Variants in MCC observed in about 807,000 individuals in gnomAD.
MCC encodes MCC regulator of Wnt signaling pathway.
Under a neutral mutation model 116.2 loss-of-function variants are expected in MCC, and 90 were observed. That is an observed-to-expected ratio of 0.77 (90% CI 0.65 to 0.92). The LOEUF (loss-of-function observed/expected upper bound fraction) is 0.92. Among genes scored for constraint, MCC ranks in the 40% least tolerant of loss-of-function variants. MCC has a pLI of 0.00. For synonymous variants in MCC, 578 were observed against 510.5 expected, an observed-to-expected ratio of 1.13 and a Z score of -1.78; for missense variants, 1,516 against 1,312.2, an observed-to-expected ratio of 1.16 and a Z score of -2.40.
At chr5:113,199,530 G>A (rs1762582549) in intron 3 of MCC, among the ~76,000 whole-genome samples, 1 of 152,170 alleles carries the variant, frequency 6.6e-6, no homozygotes, top group East Asian at 1.9e-4. Flanking sequence ...GCTGCTTCCA[G>A]ATTCTCAAAA....
intron 3 of MCC, among the ~76,000 whole-genome samples, chr5:113,330,293 T>G (rs1767668483): frequency 6.6e-6 from 1 of 152,238 alleles, no homozygotes; most frequent in African/African-American, 2.4e-5. Context: ...TTTGCTCAGT[T>G]AAACTCTGTG....
chr5:113,474,282 T>C (rs1182780933), intron 1 of MCC, among the ~76,000 whole-genome samples: 1 of 152,064 alleles, frequency 6.6e-6, no homozygotes, highest in Non-Finnish European at 1.5e-5. Context: ...TGTAGGAGTA[T>C]GTGCAAGGTA....
chr5:113,461,428 T>C (rs998975739), intron 1 of MCC, among the ~76,000 whole-genome samples: 13 of 152,166 alleles, frequency 8.5e-5, no homozygotes, highest in South Asian at 2.1e-4. Flanking sequence ...ATGGCCAGTA[T>C]GGAGTGGAGA....
At position 113,076,871 on chromosome 5, in the gene MCC, A is replaced by G. The variant is rs546039219; in HGVS notation, c.1785-5637T>C. Among the ~76,000 whole-genome samples the G allele has an allele frequency of 3.9e-5, 6 of 152,342 alleles. No individual in the cohort carries two copies. The East Asian group carries it at 1.2e-3, about 29-fold the overall frequency. On this transcript the variant is annotated intron_variant, in intron 11 of 18. Coordinates refer to ENST00000408903, the MANE Select transcript of MCC (RefSeq NM_001085377.2). ...AAAGACACAGACTGGCAAATTGGAT[A>G]AAGAGTCAAGACCCATGAGTGTGCT...
intron 1 of MCC, among the ~76,000 whole-genome samples, chr5:113,456,577 C>G (rs1404810776): frequency 6.7e-6 from 1 of 150,028 alleles, no homozygotes; most frequent in East Asian, 1.9e-4. Context: ...CTGCCTCAGC[C>G]TCTCCAATAG....
chr5:113,053,449 C>T (rs1319237587), intron 15 of MCC, among the ~76,000 whole-genome samples: 1 of 152,162 alleles, frequency 6.6e-6, no homozygotes, highest in Non-Finnish European at 1.5e-5. Flanking sequence ...CTCCACCCTG[C>T]AGAGGTCTGA....
intron 17 of MCC, among the ~76,000 whole-genome samples, chr5:113,034,782 G>A (rs535241812): frequency 2.6e-5 from 4 of 152,302 alleles, no homozygotes; most frequent in South Asian, 2.1e-4. Flanking sequence ...TGCATCCAGC[G>A]GTCTGGTCCC....
intron 4 of MCC, among the ~76,000 whole-genome samples, chr5:113,143,602 C>A (rs939587114): frequency 2.6e-5 from 4 of 152,328 alleles, no homozygotes; most frequent in African/African-American, 4.8e-5. Context: ...GGGAAACAGT[C>A]CCTTTGCCAT....
At chr5:113,438,487 T>C (rs1397651476) in intron 1 of MCC, among the ~76,000 whole-genome samples, 1 of 151,984 alleles carries the variant, frequency 6.6e-6, no homozygotes, top group Non-Finnish European at 1.5e-5. Flanking sequence ...GAAAAGTATA[T>C]AAGGAAAAAA....
At chr5:113,277,209 C>CAA (rs147857982) in intron 3 of MCC, among the ~76,000 whole-genome samples, 5 of 145,910 alleles carry the variant, frequency 3.4e-5, no homozygotes, top group African/African-American at 1.2e-4. Context: ...AAAACACAAA[C>CAA]AAAAAAAAAA....
At chr5:113,127,068 G>A (rs756181015) in intron 5 of MCC, among the ~76,000 whole-genome samples, 13 of 151,970 alleles carry the variant, frequency 8.6e-5, no homozygotes, top group Non-Finnish European at 1.9e-4. Context: ...TCCCCTCTTT[G>A]TGTCCATTTG....
At chr5:113,084,923 A>G (rs2150244391) in intron 9 of MCC, among the ~76,000 whole-genome samples, 1 of 152,332 alleles carries the variant, frequency 6.6e-6, no homozygotes, top group South Asian at 2.1e-4. Context: ...GTCAGCTGTG[A>G]CATTCTCCAG....
At chr5:113,465,840 A>G (rs1490044466) in intron 1 of MCC, among the ~76,000 whole-genome samples, 39 of 152,216 alleles carry the variant, frequency 2.6e-4, no homozygotes, top group Non-Finnish European at 1.5e-5. Context: ...AGATTTAGAA[A>G]GGTTATAATA....
chr5:113,111,268 G>C (rs1215940179), intron 6 of MCC, among the ~76,000 whole-genome samples: 1 of 152,192 alleles, frequency 6.6e-6, no homozygotes, highest in Non-Finnish European at 1.5e-5. Flanking sequence ...TGTGGAGTTT[G>C]TACATTGTCC....
intron 2 of MCC, among the ~76,000 whole-genome samples, chr5:113,349,706 A>G (rs1025621491): frequency 1.3e-5 from 2 of 152,104 alleles, no homozygotes; most frequent in African/African-American, 4.8e-5. Flanking sequence ...GCAATCAGAT[A>G]AGAGAAAGAT....
At chr5:113,226,672 T>C (rs1763754398) in intron 3 of MCC, among the ~76,000 whole-genome samples, 1 of 152,256 alleles carries the variant, frequency 6.6e-6, no homozygotes, top group Non-Finnish European at 1.5e-5. Context: ...TTAAGCTAAT[T>C]GAACACTTTC....
At chr5:113,331,602 A>G (rs1049360542) in intron 3 of MCC, among the ~76,000 whole-genome samples, 2 of 144,628 alleles carry the variant, frequency 1.4e-5, no homozygotes, top group African/African-American at 5.2e-5. Flanking sequence ...TTTTTTCATG[A>G]TCTGCTTTTT....
intron 5 of MCC, among the ~76,000 whole-genome samples, chr5:113,130,107 T>C (rs190400509): frequency 2.0e-5 from 3 of 152,264 alleles, no homozygotes; most frequent in African/African-American, 7.2e-5. Context: ...AAGGATAGAC[T>C]GGATAAAAAA....
chr5:113,071,970 G>A (rs1423321872), intron 11 of MCC, among the ~76,000 whole-genome samples: 1 of 152,236 alleles, frequency 6.6e-6, no homozygotes, highest in Non-Finnish European at 1.5e-5. Flanking sequence ...TTGGGAACTT[G>A]AAGTTTTACA....
Sources: allele counts gnomAD v4.1 joint callset (sites outside exome capture counted in the v4.1 genomes callset), GRCh38; gene constraint gnomAD v4.1.1; transcripts MANE v1.5; gene names NCBI Gene and HGNC (gene_info 2026-07-23, HGNC 2026-07-21).